FHIT: variants seen among roughly 807,000 people sequenced by gnomAD.
FHIT encodes bis(5'-adenosyl)-triphosphatase.
FHIT carries 19 observed loss-of-function variants against 17.9 expected under a neutral mutation model. The ratio of observed to expected loss-of-function variants is 1.06; its 90% CI spans 0.74 to 1.56. The LOEUF (loss-of-function observed/expected upper bound fraction) is 1.56, where lower values mean the gene tolerates loss of function less well. Among genes scored for constraint, FHIT ranks in the 40% most tolerant of loss-of-function variants. The probability of loss-of-function intolerance (pLI) is 0.00; values close to 1 mark genes in which losing one functional copy is unlikely to be tolerated. For synonymous variants in FHIT, 81 were observed against 69.7 expected, an observed-to-expected ratio of 1.16 and a Z score of -0.81; for missense variants, 248 against 189.2, an observed-to-expected ratio of 1.31 and a Z score of -1.82.
At chr3:60,309,712 A>G (rs1395036026) in intron 5 of FHIT, among the ~76,000 whole-genome samples, 1 of 152,080 alleles carries the variant, frequency 6.6e-6, no homozygotes, top group African/African-American at 2.4e-5. Flanking sequence ...CTGAGATCCT[A>G]TACCATAGTT....
chr3:60,100,313 G>A (rs369898027), intron 5 of FHIT, among the ~76,000 whole-genome samples: 2 of 152,084 alleles, frequency 1.3e-5, no homozygotes, highest in Admixed American at 1.3e-4. Flanking sequence ...GAACCCGGGA[G>A]GTGGAGGTTG....
intron 3 of FHIT, among the ~76,000 whole-genome samples, chr3:60,977,109 C>A (rs1252009192): frequency 1.3e-5 from 2 of 152,174 alleles, no homozygotes; most frequent in Non-Finnish European, 2.9e-5. Context: ...ACAGGGTAGA[C>A]CCAGCTTATA....
At position 60,860,373 on chromosome 3, in the gene FHIT, GTATACATGAC is replaced by G. The variant is rs1553751332; in HGVS notation, c.-110-38372_-110-38363del. On this transcript the variant is annotated intron_variant, in intron 3 of 9. Transcript: ENST00000492590. The stretch of plus-strand genomic sequence containing the variant: ...TATGTATACATGACATACATCATAT[GTATACATGAC>G]ATACATCATATGTATATATGACATA... 3.9e-4 allele frequency among the ~76,000 whole-genome samples: 56 copies of G among 145,144 alleles called. 8 individuals carry two copies. Among genetic ancestry groups the G allele is most frequent in the African/African-American group, 1.4e-3 (53 of 37,250 alleles).
Position 60,860,469 on chromosome 3 carries a change from T to TCAG in FHIT, c.-110-38459_-110-38458insCTG, listed in dbSNP as rs1491384219. Among the ~76,000 whole-genome samples, 173 of 91,814 alleles carry TCAG rather than the reference T, an allele frequency of 1.9e-3. 11 individuals carry two copies. Among genetic ancestry groups the TCAG allele is most frequent in the Middle Eastern group, 0.02 (1 of 50 alleles). The allele number at this position is 91,814 out of a possible 152,430, so 60.2% of individuals were successfully genotyped here. A position where few individuals can be genotyped will look rare whatever the true frequency, so the allele number is the denominator to read the frequency against. Reference sequence around the variant, plus strand: ...TATATGATACATATGTACATATATATGTATATATGATACATATGTATCATA... The same window carrying TCAG: ...TATATGATACATATGTACATATATATCAGGTATATATGATACATATGTATCATA... On this transcript the variant is annotated intron_variant, in intron 3 of 9. Transcript: ENST00000492590.
intron 5 of FHIT, among the ~76,000 whole-genome samples, chr3:60,019,739 C>G (rs1354660570): frequency 6.6e-6 from 1 of 152,110 alleles, no homozygotes; most frequent in Non-Finnish European, 1.5e-5. Context: ...TAAACATCAA[C>G]TACTCCAATA....
chr3:61,103,643 T>G (rs1431809357), intron 2 of FHIT, among the ~76,000 whole-genome samples: 1 of 152,152 alleles, frequency 6.6e-6, no homozygotes, highest in African/African-American at 2.4e-5. Flanking sequence ...TGTCTAATAT[T>G]GACAGTGGGG....
intron 5 of FHIT, among the ~76,000 whole-genome samples, chr3:60,178,245 G>A (rs1279132669): frequency 6.6e-6 from 1 of 152,068 alleles, no homozygotes; most frequent in Non-Finnish European, 1.5e-5. Context: ...TTTCACAAAT[G>A]TTAACTTCCC....
chr3:61,063,623 T>A (rs113552258), intron 2 of FHIT, among the ~76,000 whole-genome samples: 1 of 152,042 alleles, frequency 6.6e-6, no homozygotes, highest in Non-Finnish European at 1.5e-5. Context: ...AGACCAAGGT[T>A]CACAAACACA....
chr3:59,946,825 T>C (rs1481246651), intron 7 of FHIT, among the ~76,000 whole-genome samples: 3 of 152,242 alleles, frequency 2.0e-5, no homozygotes, highest in African/African-American at 7.2e-5. Context: ...TATTGATTTG[T>C]ATATATTGAG....
At chr3:61,002,339 C>G (rs2031149624) in intron 3 of FHIT, among the ~76,000 whole-genome samples, 1 of 152,196 alleles carries the variant, frequency 6.6e-6, no homozygotes, top group Non-Finnish European at 1.5e-5. Context: ...GCACAGTTTA[C>G]TGCAGCCCAA....
At chr3:61,216,506 A>C (rs987772075) in intron 1 of FHIT, among the ~76,000 whole-genome samples, 1 of 152,144 alleles carries the variant, frequency 6.6e-6, no homozygotes, top group South Asian at 2.1e-4. Flanking sequence ...AGGTGCTGGA[A>C]AGGTTGTGGA....
chr3:60,043,225 C>A (rs1575961327), intron 5 of FHIT, among the ~76,000 whole-genome samples: 1 of 152,214 alleles, frequency 6.6e-6, no homozygotes, highest in African/African-American at 2.4e-5. Flanking sequence ...CCTAAGTTAG[C>A]ATGGAAGTGG....
intron 3 of FHIT, among the ~76,000 whole-genome samples, chr3:60,823,663 T>C (rs1200919599): frequency 1.3e-5 from 2 of 152,202 alleles, no homozygotes; most frequent in African/African-American, 4.8e-5. Flanking sequence ...TTCAGACTTG[T>C]AGCCTCCAGA....
intron 3 of FHIT, among the ~76,000 whole-genome samples, chr3:60,900,809 T>C (rs1706076999): frequency 6.6e-6 from 1 of 152,136 alleles, no homozygotes; most frequent in South Asian, 2.1e-4. Flanking sequence ...ATAGAGTCTC[T>C]CTCTGTCGCC....
chr3:60,826,990 G>GT lies in FHIT; in HGVS notation c.-110-4980dup, dbSNP rs543641990. ...TCCATGTTCTAGGACTTGAGATTAG[G>GT]TTTTCCCCCCACAAAAAGAAAACTT... On this transcript the variant is annotated intron_variant, in intron 3 of 9. Transcript: ENST00000492590. 2.8e-3 allele frequency among the ~76,000 whole-genome samples: 420 copies of GT among 151,876 alleles called. 1 individual carries two copies. The highest frequency in any genetic ancestry group is 8.9e-3 in the African/African-American group (370 of 41,434).
intron 2 of FHIT, among the ~76,000 whole-genome samples, chr3:61,070,912 C>G (rs1455897769): frequency 6.6e-6 from 1 of 152,094 alleles, no homozygotes; most frequent in East Asian, 1.9e-4. Context: ...CTCGTCCTCT[C>G]CATTATCATA....
chr3:60,763,977 C>T (rs563132765), intron 4 of FHIT, among the ~76,000 whole-genome samples: 17 of 152,192 alleles, frequency 1.1e-4, no homozygotes, highest in African/African-American at 3.1e-4. Context: ...CCCTATAGCC[C>T]GCTGAGTTAA....
intron 5 of FHIT, among the ~76,000 whole-genome samples, chr3:60,526,718 T>C (rs892683118): frequency 1.6e-4 from 25 of 152,102 alleles, no homozygotes; most frequent in African/African-American, 5.6e-4. Flanking sequence ...ACAGAGCACA[T>C]GGGAAGCTCT....
At chr3:59,941,599 G>C (rs950594623) in intron 7 of FHIT, among the ~76,000 whole-genome samples, 1 of 152,140 alleles carries the variant, frequency 6.6e-6, no homozygotes, top group Non-Finnish European at 1.5e-5. Context: ...TGCTTGCGTT[G>C]TGGGTCTGTG....
Sources: gnomAD v4.1 joint callset for allele counts (sites outside exome capture counted in the v4.1 genomes callset) on GRCh38, gnomAD v4.1.1 for gene constraint, MANE v1.5 for transcripts, NCBI Gene and HGNC (gene_info 2026-07-23, HGNC 2026-07-21) for gene names.